The following WDPCP variants were observed in gnomAD, a reference collection of about 807,000 sequenced individuals.
The protein encoded by WDPCP is WD repeat containing planar cell polarity effector, also known as WD repeat-containing and planar cell polarity effector protein fritz homolog.
A neutral mutation model predicts 93.1 loss-of-function variants in WDPCP; 71 were observed. That is an observed-to-expected ratio of 0.76 (90% CI 0.63 to 0.93). WDPCP has a LOEUF of 0.93. Among genes scored for constraint, WDPCP ranks in the 40% least tolerant of loss-of-function variants. The pLI is 0.00. For synonymous variants in WDPCP, 315 were observed against 315.0 expected, an observed-to-expected ratio of 1.00 and a Z score of 0.00; for missense variants, 844 against 887.4, an observed-to-expected ratio of 0.95 and a Z score of 0.62.
At chr2:63,303,159 T>C (rs1180233855) in intron 13 of WDPCP, among the ~76,000 whole-genome samples, 1 of 152,220 alleles carries the variant, frequency 6.6e-6, no homozygotes, top group Non-Finnish European at 1.5e-5. Context: ...AGGCTATCCC[T>C]GCACTATAAC....
upstream of WDPCP, among the ~76,000 whole-genome samples, chr2:63,828,497 T>C (rs1671145527): frequency 6.6e-6 from 1 of 152,312 alleles, no homozygotes; most frequent in Middle Eastern, 3.4e-3. Context: ...TACTCATTGC[T>C]ATATACTTAG....
chr2:63,702,159 G>C (rs773064583), intron 2 of WDPCP, among the ~76,000 whole-genome samples: 1 of 152,094 alleles, frequency 6.6e-6, no homozygotes, highest in Non-Finnish European at 1.5e-5. Flanking sequence ...CCGAGTAGCT[G>C]GGATTATAGA....
chr2:63,416,359 C>A (rs545539081), intron 9 of WDPCP, among the ~76,000 whole-genome samples: 1 of 151,590 alleles, frequency 6.6e-6, no homozygotes, highest in East Asian at 1.9e-4. Flanking sequence ...ACCACCACAC[C>A]CAGCTAATTT....
At chr2:63,399,072 G>A (rs941361582) in intron 10 of WDPCP, among the ~76,000 whole-genome samples, 3 of 152,008 alleles carry the variant, frequency 2.0e-5, no homozygotes, top group Non-Finnish European at 4.4e-5. Flanking sequence ...TTAAAAATGA[G>A]AAACAAAACT....
intron 17 of WDPCP, among the ~76,000 whole-genome samples, chr2:63,138,987 A>ATT (rs1329782163): frequency 6.6e-6 from 1 of 152,176 alleles, no homozygotes; most frequent in Non-Finnish European, 1.5e-5. Flanking sequence ...CACGTAGAAT[A>ATT]ATAGTCTCTA....
At chr2:63,159,556 G>A (rs543898974) in intron 15 of WDPCP, among the ~76,000 whole-genome samples, 3 of 152,256 alleles carry the variant, frequency 2.0e-5, no homozygotes, top group African/African-American at 7.2e-5. Context: ...GACATTTTGA[G>A]TATTTTAAGA....
intron 1 of WDPCP, among the ~76,000 whole-genome samples, chr2:63,539,032 A>G (rs1414949288): frequency 6.6e-6 from 1 of 152,176 alleles, no homozygotes; most frequent in Non-Finnish European, 1.5e-5. Flanking sequence ...GCAATTCTTG[A>G]ATCCAAGTCT....
chr2:63,490,787 G>A (rs1273570148), intron 2 of WDPCP, among the ~76,000 whole-genome samples: 1 of 152,084 alleles, frequency 6.6e-6, no homozygotes, highest in African/African-American at 2.4e-5. Context: ...AGAGGACAAG[G>A]GGTAAAAGGG....
intron 14 of WDPCP, among the ~76,000 whole-genome samples, chr2:63,187,638 A>G (rs938621632): frequency 3.9e-5 from 6 of 152,198 alleles, no homozygotes; most frequent in Admixed American, 2.6e-4. Flanking sequence ...TGTTATTGTC[A>G]TAAATTACCT....
chr2:63,460,775 T>C (rs907008946), intron 6 of WDPCP, among the ~76,000 whole-genome samples: 8 of 151,966 alleles, frequency 5.3e-5, no homozygotes, highest in African/African-American at 1.7e-4. Context: ...TACAGGTGCC[T>C]GCCACCACAC....
At chr2:63,706,033 T>C (rs1027010526) in intron 2 of WDPCP, among the ~76,000 whole-genome samples, 1 of 152,226 alleles carries the variant, frequency 6.6e-6, no homozygotes, top group African/African-American at 2.4e-5. Flanking sequence ...GTTGAATTGA[T>C]CCCTTTACCA....
chr2:63,452,240 A>G (rs1698301116), intron 6 of WDPCP, among the ~76,000 whole-genome samples: 1 of 152,244 alleles, frequency 6.6e-6, no homozygotes, highest in Non-Finnish European at 1.5e-5. Flanking sequence ...CAACTTCAGC[A>G]AAGTCTCAGG....
chr2:63,838,750 A>C, the WDPCP span, among the ~76,000 whole-genome samples: 4 of 152,192 alleles, frequency 2.6e-5, no homozygotes, highest in Non-Finnish European at 5.9e-5. Flanking sequence ...CAATGACTGA[A>C]ATATATAAAG....
intron 2 of WDPCP, among the ~76,000 whole-genome samples, chr2:63,734,240 C>T (rs1021929151): frequency 6.6e-6 from 1 of 151,636 alleles, no homozygotes; most frequent in African/African-American, 2.4e-5. Context: ...AGACAAATTC[C>T]AAGTATGTGA....
At chr2:63,821,249 C>CTTGG (rs1264919994) in intron 1 of WDPCP, among the ~76,000 whole-genome samples, 1 of 152,070 alleles carries the variant, frequency 6.6e-6, no homozygotes, top group Admixed American at 6.6e-5. Flanking sequence ...GGAGTCTGAA[C>CTTGG]TTGGAGGTGT....
chr2:63,537,637 C>T (rs1400850228), intron 1 of WDPCP, among the ~76,000 whole-genome samples: 1 of 152,118 alleles, frequency 6.6e-6, no homozygotes, highest in Non-Finnish European at 1.5e-5. Context: ...CCCTGCTTTC[C>T]TCCCTCTTCC....
intron 3 of WDPCP, among the ~76,000 whole-genome samples, chr2:63,625,082 T>G (rs191170629): frequency 3.9e-4 from 60 of 152,244 alleles, no homozygotes; most frequent in Admixed American, 3.1e-3. Flanking sequence ...AAAAACCACA[T>G]GAATATCTCA....
chr2:63,708,291 G>T (rs1056247643), intron 2 of WDPCP, among the ~76,000 whole-genome samples: 1 of 152,174 alleles, frequency 6.6e-6, no homozygotes, highest in South Asian at 2.1e-4. Flanking sequence ...TGAGCTTCCC[G>T]GCCGCTTTGT....
intron 10 of WDPCP, among the ~76,000 whole-genome samples, chr2:63,382,724 C>G (rs1008517660): frequency 7.9e-5 from 12 of 152,136 alleles, no homozygotes; most frequent in African/African-American, 2.9e-4. Context: ...TGTATTAGTT[C>G]ATGAGAAAGA....
Sources: allele counts gnomAD v4.1 joint callset (sites outside exome capture counted in the v4.1 genomes callset), GRCh38; gene constraint gnomAD v4.1.1; transcripts MANE v1.5; gene names NCBI Gene and HGNC (gene_info 2026-07-23, HGNC 2026-07-21).